Variants in PLXNA2 observed in about 807,000 individuals in gnomAD.
PLXNA2 encodes the protein plexin-A2.
PLXNA2 carries 91 observed loss-of-function variants against 193.5 expected under a neutral mutation model. The observed-to-expected ratio is 0.47, with a 90% CI of 0.40 to 0.56. PLXNA2 has a LOEUF of 0.56. PLXNA2 is among the 20% of genes least tolerant of loss of function. The pLI is 0.00. For missense variants in PLXNA2, 1,995 were observed against 2,503.2 expected, an observed-to-expected ratio of 0.80 and a Z score of 4.33; for synonymous variants, 997 against 1,027.3, an observed-to-expected ratio of 0.97 and a Z score of 0.56.
chr1:208,211,905 C>T lies in PLXNA2; in HGVS notation c.1189-1443G>A, dbSNP rs1365155290. 9.9e-5 allele frequency among the ~76,000 whole-genome samples: 15 copies of T among 152,170 alleles called. No homozygotes were observed. The East Asian group carries it at 2.9e-3, about 29-fold the overall frequency. The stretch of plus-strand genomic sequence containing the variant: ...TGAAAGACAAAGACCATAATGCTTC[C>T]TGAGGCAGGGGCTGCTGAGGGGTTT... On this transcript the variant is annotated intron_variant, in intron 2 of 31. Coordinates refer to ENST00000367033, the MANE Select transcript of PLXNA2 (RefSeq NM_025179.4).
chr1:208,186,459 C>G (rs1233444686), intron 3 of PLXNA2, among the ~76,000 whole-genome samples: 1 of 152,150 alleles, frequency 6.6e-6, no homozygotes, highest in African/African-American at 2.4e-5. Flanking sequence ...AACCCACAAC[C>G]ACACCTCCCA....
chr1:208,186,094 A>G (rs545478649), intron 3 of PLXNA2, among the ~76,000 whole-genome samples: 6 of 152,308 alleles, frequency 3.9e-5, no homozygotes, highest in Non-Finnish European at 8.8e-5. Flanking sequence ...TGAGAGCGCT[A>G]TCTTCATCAC....
chr1:208,087,013 GAGAC>G (rs879328403), intron 9 of PLXNA2, among the ~76,000 whole-genome samples: 16,496 of 113,670 alleles, frequency 0.15, 1,498 homozygotes, highest in East Asian at 0.34. Flanking sequence ...GAGAGAGAGA[GAGAC>G]AGACAGACAG....
rs2102295378 is a variant in PLXNA2, at chr1:208,028,404, A to T, written c.5439-245T>A. ...TGCGGTGCCCAACAGAGTGGTTAAAAGCCCAGACTCTCACCAGGCTCTTTG... is the reference window on the plus strand; with the variant it reads ...TGCGGTGCCCAACAGAGTGGTTAAATGCCCAGACTCTCACCAGGCTCTTTG... On this transcript the variant is annotated intron_variant, in intron 30 of 31. Transcript: ENST00000367033. The surrounding 1 kb of genome is among the most constrained non-coding windows in gnomAD (Gnocchi z 4.2). Among the ~76,000 whole-genome samples the T allele has an allele frequency of 6.6e-6, 1 of 152,314 alleles. No homozygotes were observed. Among genetic ancestry groups the T allele is most frequent in the East Asian group, 1.9e-4 (1 of 5,184 alleles).
intron 26 of PLXNA2, among the ~76,000 whole-genome samples, chr1:208,034,978 CAGTT>C (rs1405259916): frequency 6.6e-6 from 1 of 151,644 alleles, no homozygotes; most frequent in East Asian, 1.9e-4. Context: ...CATTTTAGAC[CAGTT>C]AGATTAAATA....
At position 208,038,455 on chromosome 1, in the gene PLXNA2, G is replaced by A. The variant is rs1032473810; in HGVS notation, c.4680C>T (p.Ile1560=). Residue 1560 remains isoleucine (I), a synonymous_variant, in exon 26 of 32, where the codon ATC becomes ATT. Transcript: ENST00000367033. The surrounding 1 kb of genome is among the most constrained non-coding windows in gnomAD (Gnocchi z 4.1). ...CCTCATCTTGCAGCACGACCCGGGCGATCCGGCCTTGGCGCCACTCTGGGT... is the reference window on the plus strand; with the variant it reads ...CCTCATCTTGCAGCACGACCCGGGCAATCCGGCCTTGGCGCCACTCTGGGT... ...DMDLEWRQGR[I]ARVVLQDEDI... is the part of the protein sequence containing the mutation. The A allele has an allele frequency of 9.9e-6, 16 of 1,614,108 alleles. No homozygotes were observed. Among genetic ancestry groups the A allele is most frequent in the Middle Eastern group, 3.3e-4 (2 of 6,060 alleles).
Position 208,103,927 on chromosome 1 carries a change from C to T in PLXNA2, c.1507-680G>A, listed in dbSNP as rs138350555. 2.1e-3 allele frequency among the ~76,000 whole-genome samples: 317 copies of T among 152,270 alleles called. 3 individuals are homozygous for T. Among genetic ancestry groups the T allele is most frequent in the African/African-American group, 6.1e-3 (254 of 41,552 alleles). On this transcript the variant is annotated intron_variant, in intron 4 of 31. Coordinates refer to ENST00000367033, the MANE Select transcript of PLXNA2 (RefSeq NM_025179.4). ...CCCCAGAGAGTGTAGCCCTTGCACA[C>T]TCCTCCTGGTCTTCTGCTGGGGCCC...
intron 1 of PLXNA2, among the ~76,000 whole-genome samples, chr1:208,228,144 G>A (rs960771238): frequency 2.6e-5 from 4 of 152,080 alleles, no homozygotes; most frequent in Non-Finnish European, 5.9e-5. Context: ...TGGCTCCCAG[G>A]AGACCCAGGT....
intron 3 of PLXNA2, among the ~76,000 whole-genome samples, chr1:208,209,038 T>C (rs1195634032): frequency 6.6e-6 from 1 of 152,164 alleles, no homozygotes; most frequent in Non-Finnish European, 1.5e-5. Flanking sequence ...GACCACATTC[T>C]TTCTCTCTTC....
At chr1:208,043,416 T>C (rs1023891191) in intron 20 of PLXNA2, among the ~76,000 whole-genome samples, 4 of 152,196 alleles carry the variant, frequency 2.6e-5, no homozygotes, top group African/African-American at 4.8e-5. Flanking sequence ...TCTATACTTA[T>C]CTATAATTTC....
intron 3 of PLXNA2, among the ~76,000 whole-genome samples, chr1:208,155,249 C>T (rs1285888908): frequency 6.6e-6 from 1 of 152,134 alleles, no homozygotes; most frequent in Non-Finnish European, 1.5e-5. Context: ...CACAGAGGGC[C>T]GCAGTCACTG....
intron 1 of PLXNA2, among the ~76,000 whole-genome samples, chr1:208,234,823 G>A (rs1671803619): frequency 6.6e-6 from 1 of 152,130 alleles, no homozygotes; most frequent in African/African-American, 2.4e-5. Context: ...AGAGTGTGGC[G>A]GGTGACGCTG....
At chr1:208,032,083 C>A (rs1664522184) in intron 28 of PLXNA2, 1 of 985,184 alleles carries the variant, frequency 1.0e-6, no homozygotes, top group African/African-American at 1.7e-5. Flanking sequence ...AATGAGGGGG[C>A]ACAGGCTGCA....
intron 3 of PLXNA2, among the ~76,000 whole-genome samples, chr1:208,191,162 T>C (rs1182038550): frequency 6.6e-6 from 1 of 152,226 alleles, no homozygotes; most frequent in Non-Finnish European, 1.5e-5. Flanking sequence ...AGAACCTTGT[T>C]CTTTGCCCAT....
chr1:208,040,248 T>G (rs1664823201), intron 22 of PLXNA2, 190 bp from the exon 23 acceptor site: 7 of 594,140 alleles, frequency 1.2e-5, no homozygotes, highest in Non-Finnish European at 2.1e-5. Flanking sequence ...GGGTGGCTTC[T>G]TTCTGGGCCT....
intron 17 of PLXNA2, among the ~76,000 whole-genome samples, chr1:208,047,284 C>A (rs1036134109): frequency 2.2e-5 from 2 of 91,424 alleles, no homozygotes; most frequent in African/African-American, 7.1e-5. Context: ...TTATGTAGGA[C>A]CTCTCTCTCT....
intron 3 of PLXNA2, among the ~76,000 whole-genome samples, chr1:208,165,492 T>C (rs984470453): frequency 6.6e-6 from 1 of 152,198 alleles, no homozygotes; most frequent in Non-Finnish European, 1.5e-5. Context: ...AGTAAGGGCT[T>C]TCTGATGTCC....
chr1:208,131,783 A>G (rs760568908), intron 4 of PLXNA2, among the ~76,000 whole-genome samples: 5 of 152,166 alleles, frequency 3.3e-5, no homozygotes, highest in African/African-American at 7.2e-5. Context: ...GATGGGGGTA[A>G]GAAAATATGC....
intron 14 of PLXNA2, 45 bp from the exon 15 acceptor site, chr1:208,052,508 A>T: frequency 6.3e-7 from 1 of 1,598,142 alleles, no homozygotes; most frequent in African/African-American, 1.3e-5. Flanking sequence ...GGTTTTCTCC[A>T]AAAGGATGGA....
Sources: gnomAD v4.1 joint callset for allele counts (sites outside exome capture counted in the v4.1 genomes callset) on GRCh38, gnomAD v4.1.1 for gene constraint, Gnocchi (gnomAD v3.1) non-coding constraint, MANE v1.5 for transcripts, NCBI Gene and HGNC (gene_info 2026-07-23, HGNC 2026-07-21) for gene names.